STXBP5L: variants seen among roughly 807,000 people sequenced by gnomAD.
STXBP5L encodes syntaxin-binding protein 5-like.
Under a neutral mutation model 144.5 loss-of-function variants are expected in STXBP5L, and 65 were observed. That is an observed-to-expected ratio of 0.45 (90% CI 0.37 to 0.55). The LOEUF (loss-of-function observed/expected upper bound fraction) is 0.55. Ranked by LOEUF, STXBP5L falls within the 20% of genes least tolerant of loss-of-function variation. The pLI, the probability that STXBP5L is intolerant of heterozygous loss-of-function variation, is 0.00. For missense variants in STXBP5L, 1,298 were observed against 1,405.5 expected (o/e 0.92, Z 1.22); for synonymous variants, 505 against 469.6 (o/e 1.08, Z -0.97).
At chr3:121,295,596 A>G (rs1474841771) in intron 19 of STXBP5L, among the ~76,000 whole-genome samples, 3 of 152,096 alleles carry the variant, frequency 2.0e-5, no homozygotes, top group Non-Finnish European at 4.4e-5. Context: ...GTATGTGTGA[A>G]TTTTCTTGAC....
At chr3:121,300,187 G>C (rs996423762) in intron 19 of STXBP5L, among the ~76,000 whole-genome samples, 1 of 151,842 alleles carries the variant, frequency 6.6e-6, no homozygotes, top group African/African-American at 2.4e-5. Flanking sequence ...AAGTGCTAGA[G>C]AAAAACAACT....
At chr3:121,312,613 G>A (rs574483886) in intron 19 of STXBP5L, among the ~76,000 whole-genome samples, 7 of 151,178 alleles carry the variant, frequency 4.6e-5, no homozygotes, top group South Asian at 2.1e-4. Context: ...GCGGCCTTCC[G>A]CAGTGTTTGT....
At position 121,057,851 on chromosome 3, in the gene STXBP5L, C is replaced by T. The variant is rs79744415; in HGVS notation, c.470+12316C>T. On this transcript the variant is annotated intron_variant, in intron 5 of 26. Coordinates refer to ENST00000471454, the MANE Select transcript of STXBP5L (RefSeq NM_001308330.2). Reference sequence around the variant, plus strand: ...CTTTTTATATCTCTTTTTTCTATCTCTCATTCTCTGTCTCTCACTCTATCT... The same window carrying T: ...CTTTTTATATCTCTTTTTTCTATCTTTCATTCTCTGTCTCTCACTCTATCT... Among the ~76,000 whole-genome samples the T allele has an allele frequency of 6.7e-3, 1,018 of 151,912 alleles. 6 individuals are homozygous for T. Among genetic ancestry groups the T allele is most frequent in the South Asian group, 0.013 (61 of 4,810 alleles).
intron 5 of STXBP5L, among the ~76,000 whole-genome samples, chr3:121,087,361 G>A (rs763624003): frequency 3.9e-5 from 6 of 151,996 alleles, no homozygotes; most frequent in Non-Finnish European, 5.9e-5. Flanking sequence ...TTTGCAGCCT[G>A]TTTGGTGCAT....
At chr3:121,135,498 G>A (rs964719938) in intron 7 of STXBP5L, among the ~76,000 whole-genome samples, 1 of 152,154 alleles carries the variant, frequency 6.6e-6, no homozygotes, top group African/African-American at 2.4e-5. Context: ...CCATCTGGGG[G>A]TGATGGATCA....
In STXBP5L at chr3:121,304,005, G is replaced by A. The variant is rs192932133; in HGVS notation, c.2111-14470G>A. 2.5e-3 allele frequency among the ~76,000 whole-genome samples: 368 copies of A among 149,502 alleles called. 2 individuals are homozygous for A. The highest frequency in any genetic ancestry group is 4.5e-3 in the Non-Finnish European group (303 of 67,728). Reference sequence around the variant, plus strand: ...TAACAAACCTGCACATTGTGCACATGTACCCTAAAACTTAAAGTATATAAA... The same window carrying A: ...TAACAAACCTGCACATTGTGCACATATACCCTAAAACTTAAAGTATATAAA... On this transcript the variant is annotated intron_variant, in intron 19 of 26. Transcript: ENST00000471454.
chr3:121,286,340 A>C (rs1218593033), intron 19 of STXBP5L, among the ~76,000 whole-genome samples: 1 of 152,226 alleles, frequency 6.6e-6, no homozygotes, highest in Non-Finnish European at 1.5e-5. Context: ...GTAAACAAAA[A>C]ATTAAAGAAG....
intron 3 of STXBP5L, among the ~76,000 whole-genome samples, chr3:121,020,641 A>T (rs1945481846): frequency 6.6e-6 from 1 of 152,176 alleles, no homozygotes; most frequent in African/African-American, 2.4e-5. Context: ...TCAGGCAAGA[A>T]TTTTTTATCA....
rs375530788 is a variant in STXBP5L at position 121,095,702 on chromosome 3, G to T, written c.471-19223G>T. 1.1e-4 allele frequency among the ~76,000 whole-genome samples: 16 copies of T among 152,140 alleles called. 1 individual carries two copies. The East Asian group carries it at 2.5e-3, about 24-fold the overall frequency. Reference sequence around the variant, plus strand: ...AGCCATTCGTCTATTCTTTTTTCAAGGTTTTTAACTTCTTTGCGATGGGTT... The same window carrying T: ...AGCCATTCGTCTATTCTTTTTTCAATGTTTTTAACTTCTTTGCGATGGGTT... On this transcript the variant is annotated intron_variant, in intron 5 of 26. Transcript: ENST00000471454.
At chr3:121,332,220 T>C (rs2044342770) in intron 20 of STXBP5L, among the ~76,000 whole-genome samples, 2 of 152,068 alleles carry the variant, frequency 1.3e-5, no homozygotes, top group African/African-American at 4.8e-5. Flanking sequence ...CAAAAGATCA[T>C]ACTAGGTCTT....
At chr3:121,190,872 G>A (rs376894484) in intron 9 of STXBP5L, among the ~76,000 whole-genome samples, 75 of 150,674 alleles carry the variant, frequency 5.0e-4, no homozygotes, top group East Asian at 3.2e-3. Flanking sequence ...GGGTGGCGGC[G>A]GGGCAGAGAC....
intron 3 of STXBP5L, among the ~76,000 whole-genome samples, chr3:120,960,983 A>G (rs1413304164): frequency 6.6e-6 from 1 of 151,738 alleles, no homozygotes; most frequent in Non-Finnish European, 1.5e-5. Context: ...TTTTTAAATT[A>G]CTGTTTAAAT....
At chr3:121,097,281 G>T (rs1276731458) in intron 5 of STXBP5L, among the ~76,000 whole-genome samples, 1 of 152,128 alleles carries the variant, frequency 6.6e-6, no homozygotes, top group South Asian at 2.1e-4. Flanking sequence ...AGACCACTTG[G>T]CTCCCTGACT....
At chr3:121,253,372 T>C (rs1343418707) in intron 15 of STXBP5L, among the ~76,000 whole-genome samples, 6 of 151,956 alleles carry the variant, frequency 3.9e-5, no homozygotes, top group Admixed American at 3.9e-4. Context: ...TACATTTTTC[T>C]CTCACACACA....
intron 20 of STXBP5L, among the ~76,000 whole-genome samples, chr3:121,374,238 G>A (rs2046117140): frequency 6.6e-6 from 1 of 152,116 alleles, no homozygotes; most frequent in South Asian, 2.1e-4. Flanking sequence ...ACTACGCTAT[G>A]GTGCCCATCC....
At chr3:121,041,862 G>T (rs186641117) in intron 4 of STXBP5L, 81 bp downstream of exon 4, 5 of 931,374 alleles carry the variant, frequency 5.4e-6, no homozygotes, top group Admixed American at 3.9e-5. Flanking sequence ...TTTAAATACT[G>T]TGATTCTAAA....
chr3:121,396,345 G>C lies in STXBP5L; in HGVS notation c.2588-10898G>C, dbSNP rs1453577947. Among the ~76,000 whole-genome samples, 4 of 152,336 alleles carry C rather than the reference G, an allele frequency of 2.6e-5. No homozygotes were observed. In the East Asian group the frequency reaches 7.7e-4, roughly 29 times the overall value. On this transcript the variant is annotated intron_variant, in intron 22 of 26. Coordinates refer to ENST00000471454, the MANE Select transcript of STXBP5L (RefSeq NM_001308330.2). ...AGCAATGTGTTTAATATTCCACATGGAGAAAAATGTAGCTAGAGCTTGGCT... is the reference window on the plus strand; with the variant it reads ...AGCAATGTGTTTAATATTCCACATGCAGAAAAATGTAGCTAGAGCTTGGCT...
At chr3:121,389,681 G>T (rs1005282111) in intron 22 of STXBP5L, among the ~76,000 whole-genome samples, 3 of 152,192 alleles carry the variant, frequency 2.0e-5, no homozygotes, top group Non-Finnish European at 4.4e-5. Flanking sequence ...CAGTTTCCAT[G>T]TAGTTGTGTG....
chr3:121,068,644 TA>T (rs375879487), intron 5 of STXBP5L, among the ~76,000 whole-genome samples: 131 of 152,240 alleles, frequency 8.6e-4, no homozygotes, highest in East Asian at 2.1e-3. Flanking sequence ...CTCTTTGGAT[TA>T]TTTTTTTTGT....
Sources: allele counts gnomAD v4.1 joint callset (sites outside exome capture counted in the v4.1 genomes callset), GRCh38; gene constraint gnomAD v4.1.1; transcripts MANE v1.5; gene names NCBI Gene and HGNC (gene_info 2026-07-23, HGNC 2026-07-21).